The following RAPGEF2 variants were observed in gnomAD, a reference collection of about 807,000 sequenced individuals.
RAPGEF2 encodes Rap guanine nucleotide exchange factor 2.
A neutral mutation model predicts 186.7 loss-of-function variants in RAPGEF2; 54 were observed. The observed-to-expected ratio is 0.29, with a 90% confidence interval of 0.23 to 0.36. The LOEUF (loss-of-function observed/expected upper bound fraction) is 0.36, where lower values mean the gene tolerates loss of function less well. Ranked by LOEUF, RAPGEF2 falls within the 10% of genes least tolerant of loss-of-function variation. The pLI is 1.00. For synonymous variants in RAPGEF2, 712 were observed against 705.9 expected, an observed-to-expected ratio of 1.01 and a Z score of -0.14; for missense variants, 1,532 against 2,045.0, an observed-to-expected ratio of 0.75 and a Z score of 4.84.
intron 28 of RAPGEF2, among the ~76,000 whole-genome samples, 193 bp downstream of exon 28, chr4:159,354,239 A>G (rs1451652838): frequency 3.9e-5 from 6 of 152,218 alleles, no homozygotes; most frequent in African/African-American, 9.7e-5. Context: ...GTGGTCAGGT[A>G]CCTACAGATC....
intron 1 of RAPGEF2, among the ~76,000 whole-genome samples, chr4:159,140,122 C>T (rs1742152634): frequency 6.6e-6 from 1 of 152,168 alleles, no homozygotes; most frequent in Non-Finnish European, 1.5e-5. Context: ...TGAAAGTTGA[C>T]AGAGGTATTT....
At chr4:159,159,623 G>A (rs961123227) in intron 1 of RAPGEF2, among the ~76,000 whole-genome samples, 11 of 152,188 alleles carry the variant, frequency 7.2e-5, no homozygotes, top group African/African-American at 2.4e-4. Context: ...CTTAAAAAGA[G>A]TATTTCAGAA....
chr4:159,359,728 C>A lies in RAPGEF2; in HGVS notation c.*1589C>A, dbSNP rs1026995461. 1.3e-5 allele frequency: 2 copies of A among 152,096 alleles called. No individual in the cohort carries two copies. Among genetic ancestry groups the A allele is most frequent in the African/African-American group, 4.8e-5 (2 of 41,420 alleles). 9.4% of individuals were successfully genotyped at this position (152,096 alleles called of 1,614,324 possible). A position where few individuals can be genotyped will look rare whatever the true frequency, so the allele number is the denominator to read the frequency against. ...CTGTATCATGGCATTTGTCTACTTG[C>A]TTATTACATTGTCAATTATGCATTT... On this transcript the variant is annotated 3_prime_UTR_variant, in exon 30 of 30. Transcript: ENST00000691494.
At chr4:159,257,458 A>G (rs1403887622) in intron 7 of RAPGEF2, among the ~76,000 whole-genome samples, 1 of 152,186 alleles carries the variant, frequency 6.6e-6, no homozygotes, top group Non-Finnish European at 1.5e-5. Context: ...AGCACAGGAA[A>G]GACCCGCCCC....
At chr4:159,122,103 G>T (rs1579238023) in intron 1 of RAPGEF2, among the ~76,000 whole-genome samples, 1 of 150,192 alleles carries the variant, frequency 6.7e-6, no homozygotes, top group African/African-American at 2.5e-5. Context: ...TGAAAAAGTA[G>T]GTATGTCATG....
chr4:159,283,351 A>G (rs1759988390), intron 7 of RAPGEF2, among the ~76,000 whole-genome samples: 2 of 151,602 alleles, frequency 1.3e-5, no homozygotes, highest in Non-Finnish European at 2.9e-5. Flanking sequence ...TATATCTACT[A>G]CATGTCGAAA....
At chr4:159,255,220 C>T (rs987872019) in intron 7 of RAPGEF2, among the ~76,000 whole-genome samples, 4 of 152,098 alleles carry the variant, frequency 2.6e-5, no homozygotes, top group African/African-American at 9.7e-5. Context: ...TGCCCAATGA[C>T]GCCGTTCTCG....
chr4:159,191,936 AG>A (rs1388275029), intron 2 of RAPGEF2, among the ~76,000 whole-genome samples: 1 of 152,116 alleles, frequency 6.6e-6, no homozygotes, highest in Non-Finnish European at 1.5e-5. Flanking sequence ...ATGGAGAAGG[AG>A]GTAAGCTTGC....
At chr4:159,133,883 A>G (rs1429239916) in intron 1 of RAPGEF2, among the ~76,000 whole-genome samples, 2 of 151,806 alleles carry the variant, frequency 1.3e-5, no homozygotes, top group Non-Finnish European at 2.9e-5. Flanking sequence ...GCGCCTGGCC[A>G]ATTTTTTGTA....
At chr4:159,127,467 C>G (rs1046512195) in intron 1 of RAPGEF2, among the ~76,000 whole-genome samples, 5 of 152,178 alleles carry the variant, frequency 3.3e-5, no homozygotes, top group African/African-American at 7.2e-5. Flanking sequence ...CATGTTCCCC[C>G]CTTCATGAAG....
At chr4:159,154,858 A>G (rs868058586) in intron 1 of RAPGEF2, among the ~76,000 whole-genome samples, 54 of 152,308 alleles carry the variant, frequency 3.5e-4, no homozygotes, top group African/African-American at 1.3e-3. Context: ...GGCGAAGACA[A>G]ATATTCTCTT....
At chr4:159,264,205 G>A (rs189774317) in intron 7 of RAPGEF2, among the ~76,000 whole-genome samples, 255 of 152,222 alleles carry the variant, frequency 1.7e-3, no homozygotes, top group African/African-American at 5.7e-3. Context: ...TGTGGATAAC[G>A]AAATTTCTGT....
intron 3 of RAPGEF2, among the ~76,000 whole-genome samples, chr4:159,197,000 C>T (rs1355570428): frequency 6.6e-6 from 1 of 152,112 alleles, no homozygotes; most frequent in South Asian, 2.1e-4. Flanking sequence ...AATGGAAAAG[C>T]CTATCAGGTA....
chr4:159,290,620 TG>T (rs1258441038), intron 7 of RAPGEF2, among the ~76,000 whole-genome samples: 12 of 152,182 alleles, frequency 7.9e-5, no homozygotes, highest in Non-Finnish European at 1.5e-4. Flanking sequence ...AAATCAATCA[TG>T]GCAGGTGACT....
At chr4:159,239,730 C>T (rs952827596) in intron 5 of RAPGEF2, among the ~76,000 whole-genome samples, 2 of 152,138 alleles carry the variant, frequency 1.3e-5, no homozygotes, top group South Asian at 4.1e-4. Context: ...GTTTCCCAGC[C>T]TAGACATTCA....
At chr4:159,304,551 C>A in intron 8 of RAPGEF2, 78 bp downstream of exon 8, 1 of 1,342,158 alleles carries the variant, frequency 7.5e-7, no homozygotes, top group Non-Finnish European at 1.0e-6. Flanking sequence ...CTGATAGAAT[C>A]TATAAAATAA....
At chr4:159,198,314 CTTTCTTTCTTTCTTTCTTTCTTT>C (rs1561075101) in intron 3 of RAPGEF2, among the ~76,000 whole-genome samples, 1 of 68,986 alleles carries the variant, frequency 1.4e-5, no homozygotes, top group East Asian at 5.3e-4. Flanking sequence ...TTCTTTCTTT[CTTTCTTTCTTTCTTTCTTTCTTT>C]TTCTTTCTCT....
rs1184505894 is a variant in RAPGEF2 at position 159,304,358 on chromosome 4, C to A, written c.560C>A (p.Thr187Lys). Reference protein sequence around the residue: ...CTKSQLPADFTKLHLTDSLHP... With the variant: ...CTKSQLPADFKKLHLTDSLHP... ...CTTCCATAGCTTCCTGCAGATTTCACAAAACTGCATCTTACTGACAGTCTC... is the reference window on the plus strand; with the variant it reads ...CTTCCATAGCTTCCTGCAGATTTCAAAAAACTGCATCTTACTGACAGTCTC... The change falls in exon 8 of 30, where the codon ACA becomes AAA. Residue 187 changes from threonine (T) to lysine (K), a missense_variant. By Grantham distance (78) the Thr-to-Lys change is moderately conservative. Coordinates refer to ENST00000691494, the MANE Select transcript of RAPGEF2 (RefSeq NM_001394067.2). 1.2e-6 allele frequency: 2 copies of A among 1,605,124 alleles called. No homozygotes were observed. The highest frequency in any genetic ancestry group is 1.7e-6 in the Non-Finnish European group (2 of 1,173,298).
chr4:159,241,181 T>A lies in RAPGEF2; in HGVS notation c.358-20T>A. 1 of 1,477,124 alleles carries A rather than the reference T, an allele frequency of 6.8e-7. No homozygotes were observed. Among genetic ancestry groups the A allele is most frequent in the Non-Finnish European group, 9.0e-7 (1 of 1,114,486 alleles). The allele number at this position is 1,477,124 out of a possible 1,614,324, so 91.5% of individuals were successfully genotyped here. ...AATGTTGTGTTTGGAGAAATGAAAT[T>A]TTGGGGGGTTTTATTTCAGGTGGAC... On this transcript the variant is annotated intron_variant, in intron 5 of 29. Coordinates refer to ENST00000691494, the MANE Select transcript of RAPGEF2 (RefSeq NM_001394067.2).
Sources: gnomAD v4.1 joint callset for allele counts (sites outside exome capture counted in the v4.1 genomes callset) on GRCh38, gnomAD v4.1.1 for gene constraint, MANE v1.5 for transcripts, NCBI Gene and HGNC (gene_info 2026-07-23, HGNC 2026-07-21) for gene names.